Variants in SH2B3 observed in about 807,000 individuals in gnomAD.
SH2B3 encodes the protein SH2B adapter protein 3.
Under a neutral mutation model 51.9 loss-of-function variants are expected in SH2B3, and 43 were observed. The observed-to-expected ratio is 0.83, with a 90% CI of 0.65 to 1.07. SH2B3 has a LOEUF of 1.07. Ranked by LOEUF, SH2B3 falls within the 50% of genes least tolerant of loss-of-function variation. The pLI, the probability that SH2B3 is intolerant of heterozygous loss-of-function variation, is 0.00. For synonymous variants in SH2B3, 396 were observed against 376.0 expected (o/e 1.05, Z -0.62); for missense variants, 952 against 834.3 (o/e 1.14, Z -1.74).
chr12:111,414,129 T>C (rs57018784), intron 1 of SH2B3, among the ~76,000 whole-genome samples: 15,585 of 152,242 alleles, frequency 0.1, 2,665 homozygotes, highest in African/African-American at 0.35. Context: ...CAGGTGCCCT[T>C]ATGCAGGGGT....
Position 111,418,703 on chromosome 12 carries a change from C to A in SH2B3, c.558C>A (p.Ser186Arg). Reference sequence around the variant, plus strand: ...TGGCCAAGAAGTTCCTGCCCTGGAGCCTGGCCCGGGAGCCGCCACCCGAGG... The same window carrying A: ...TGGCCAAGAAGTTCCTGCCCTGGAGACTGGCCCGGGAGCCGCCACCCGAGG... ...PGLAKKFLPW[S>R]LAREPPPEAL... The change falls in exon 2 of 8, where the codon AGC becomes AGA. Residue 186 changes from serine to arginine, a missense_variant. Ser to Arg is a moderately radical substitution (Grantham distance 110, BLOSUM62 -1). Transcript: ENST00000341259. This position sits in a 1 kb window ranked among gnomAD's most constrained non-coding sequence, Gnocchi z 6.7. 6.7e-7 allele frequency: 1 copy of A among 1,486,672 alleles called. No individual in the cohort carries two copies. Among genetic ancestry groups the A allele is most frequent in the Non-Finnish European group, 8.9e-7 (1 of 1,125,992 alleles). 92.1% of individuals were successfully genotyped at this position (1,486,672 alleles called of 1,614,324 possible). A position where few individuals can be genotyped will look rare whatever the true frequency, so the allele number is the denominator to read the frequency against.
At chr12:111,433,169 T>C (rs952867373) in intron 2 of SH2B3, among the ~76,000 whole-genome samples, 2 of 152,184 alleles carry the variant, frequency 1.3e-5, no homozygotes, top group Non-Finnish European at 2.9e-5. Context: ...CTGGCCAACA[T>C]GGTGAAACCC....
intron 2 of SH2B3, among the ~76,000 whole-genome samples, chr12:111,427,388 G>GA (rs557658468): frequency 0.018 from 1,502 of 82,904 alleles, 49 homozygotes; most frequent in African/African-American, 0.037. Flanking sequence ...TCCATCTCAG[G>GA]AAAAAAAAAA....
intron 2 of SH2B3, among the ~76,000 whole-genome samples, chr12:111,422,371 T>C (rs1871626182): frequency 6.6e-6 from 1 of 152,240 alleles, no homozygotes; most frequent in Admixed American, 6.5e-5. Context: ...TGATGACTCA[T>C]GGAGGTTAAG....
intron 2 of SH2B3, among the ~76,000 whole-genome samples, chr12:111,424,498 T>G (rs1871826385): frequency 6.6e-6 from 1 of 152,164 alleles, no homozygotes; most frequent in South Asian, 2.1e-4. Flanking sequence ...CTGGGAGCCC[T>G]GATGGTAGGG....
At position 111,406,853 on chromosome 12, in the gene SH2B3, G is replaced by A. The variant is rs1324218587; in HGVS notation, c.-28+576G>A. 6.6e-6 allele frequency among the ~76,000 whole-genome samples: 1 copy of A among 152,190 alleles called. No homozygotes were observed. The highest frequency in any genetic ancestry group is 1.5e-5 in the Non-Finnish European group (1 of 68,018). On this transcript the variant is annotated intron_variant, in intron 1 of 7. Transcript: ENST00000341259. The surrounding 1 kb of genome is among the most constrained non-coding windows in gnomAD (Gnocchi z 5.7). ...AGGCCCCCGCATGCTGCTGAATTGG[G>A]CGGTTCACCAGGGCTAGGCGTCCCA...
intron 2 of SH2B3, among the ~76,000 whole-genome samples, chr12:111,436,938 G>A (rs527958399): frequency 6.6e-6 from 1 of 151,926 alleles, no homozygotes; most frequent in East Asian, 1.9e-4. Context: ...GGGAAAAGCA[G>A]GCTGGTGTGT....
rs1486152471 is a variant in SH2B3, at chr12:111,418,865, C to G, written c.720C>G (p.Phe240Leu). ...GCCCCGACCGCGTGCTGGAGCTCTTCGACCCACCCAAGGTAAGTAAGCCCT... is the reference window on the plus strand; with the variant it reads ...GCCCCGACCGCGTGCTGGAGCTCTTGGACCCACCCAAGGTAAGTAAGCCCT... ...PDGPDRVLEL[F>L]DPPKSSRPKL... The change falls in exon 2 of 8, where the codon TTC becomes TTG. Residue 240 changes from phenylalanine (F) to leucine (L), a missense_variant. Physicochemically the swap from Phe to Leu is conservative, Grantham distance 22. Transcript: ENST00000341259. This position sits in a 1 kb window ranked among gnomAD's most constrained non-coding sequence, Gnocchi z 6.7. The G allele has an allele frequency of 7.1e-7, 1 of 1,412,486 alleles. No individual in the cohort carries two copies. Among genetic ancestry groups the G allele is most frequent in the Non-Finnish European group, 9.1e-7 (1 of 1,097,090 alleles). 87.5% of individuals were successfully genotyped at this position (1,412,486 alleles called of 1,614,324 possible).
intron 2 of SH2B3, among the ~76,000 whole-genome samples, chr12:111,428,210 G>A (rs1872163849): frequency 6.6e-6 from 1 of 152,260 alleles, no homozygotes; most frequent in African/African-American, 2.4e-5. Context: ...CTGGCACAGA[G>A]GACTCTGCCT....
At position 111,435,053 on chromosome 12, in the gene SH2B3, G is replaced by A; in HGVS notation, c.733-11700G>A. The A allele has an allele frequency of 6.6e-7, 1 of 1,525,952 alleles. No individual in the cohort carries two copies. Among genetic ancestry groups the A allele is most frequent in the Non-Finnish European group, 8.8e-7 (1 of 1,138,612 alleles). The allele number at this position is 1,525,952 out of a possible 1,614,324, so 94.5% of individuals were successfully genotyped here. A position where few individuals can be genotyped will look rare whatever the true frequency, so the allele number is the denominator to read the frequency against. ...GCAGGCAGTAGCTACCGTTGTCTGGGGCTTTGGGGATCTTGGTGGTGATGA... is the reference window on the plus strand; with the variant it reads ...GCAGGCAGTAGCTACCGTTGTCTGGAGCTTTGGGGATCTTGGTGGTGATGA... On this transcript the variant is annotated intron_variant, in intron 2 of 7. Coordinates refer to ENST00000341259, the MANE Select transcript of SH2B3 (RefSeq NM_005475.3). This position sits in a 1 kb window ranked among gnomAD's most constrained non-coding sequence, Gnocchi z 4.8.
In SH2B3 at chr12:111,407,892, C is replaced by A. The variant is rs989145626; in HGVS notation, c.-28+1615C>A. 1.6e-4 allele frequency among the ~76,000 whole-genome samples: 25 copies of A among 152,136 alleles called. No homozygotes were observed. The highest frequency in any genetic ancestry group is 5.8e-4 in the African/African-American group (24 of 41,420). Reference sequence around the variant, plus strand: ...CCTATTGCCTTCGTTCAGCTGAAGGCGTGGGCAAGTGACTCTGCCCTCAGT... The same window carrying A: ...CCTATTGCCTTCGTTCAGCTGAAGGAGTGGGCAAGTGACTCTGCCCTCAGT... On this transcript the variant is annotated intron_variant, in intron 1 of 7. Transcript: ENST00000341259. This position sits in a 1 kb window ranked among gnomAD's most constrained non-coding sequence, Gnocchi z 4.3.
At chr12:111,437,062 A>G (rs1032047250) in intron 2 of SH2B3, among the ~76,000 whole-genome samples, 1 of 152,026 alleles carries the variant, frequency 6.6e-6, no homozygotes, top group Non-Finnish European at 1.5e-5. Flanking sequence ...CACACTCACC[A>G]TGTCTGTCTC....
rs1874586353 is a variant in SH2B3 at position 111,451,486 on chromosome 12, CATT to C, written c.*3187_*3189del. On this transcript the variant is annotated 3_prime_UTR_variant, in exon 8 of 8. Transcript: ENST00000341259. ...AACATAAAGTGGATTCATCTTGTAT[CATT>C]ATAGGCAGAAGGTATTTGGCAAATT... 1 of 152,628 alleles carries C rather than the reference CATT, an allele frequency of 6.6e-6. No homozygotes were observed. Among genetic ancestry groups the C allele is most frequent in the African/African-American group, 2.4e-5 (1 of 41,450 alleles). The allele number at this position is 152,628 out of a possible 1,614,324, so 9.5% of individuals were successfully genotyped here.
chr12:111,420,574 G>T (rs540896699), intron 2 of SH2B3, among the ~76,000 whole-genome samples: 1 of 152,200 alleles, frequency 6.6e-6, no homozygotes, highest in South Asian at 2.1e-4. Context: ...TCTAGAGCAT[G>T]AGCAAAACCG....
intron 2 of SH2B3, among the ~76,000 whole-genome samples, chr12:111,428,939 C>T (rs914152466): frequency 2.0e-5 from 3 of 151,180 alleles, no homozygotes; most frequent in Non-Finnish European, 3.0e-5. Flanking sequence ...CCCATGCCTC[C>T]GGGTGTGGGA....
chr12:111,444,801 T>C, intron 2 of SH2B3: 3 of 985,622 alleles, frequency 3.0e-6, no homozygotes, highest in Non-Finnish European at 3.6e-6. Flanking sequence ...CCTGCGCCCA[T>C]GTGCCCACAC....
chr12:111,445,779 T>TG (rs1400282974), intron 2 of SH2B3, among the ~76,000 whole-genome samples: 1 of 152,236 alleles, frequency 6.6e-6, no homozygotes, highest in Non-Finnish European at 1.5e-5. Flanking sequence ...GCCAGGCCAC[T>TG]GGGTCATGAT....
intron 1 of SH2B3, among the ~76,000 whole-genome samples, chr12:111,417,182 C>G (rs545700736): frequency 6.6e-6 from 1 of 152,326 alleles, no homozygotes; most frequent in African/African-American, 2.4e-5. Flanking sequence ...CAGATTCTTT[C>G]ACTAGTCTCC....
At chr12:111,436,888 T>C (rs1872924313) in intron 2 of SH2B3, among the ~76,000 whole-genome samples, 1 of 152,006 alleles carries the variant, frequency 6.6e-6, no homozygotes, top group Admixed American at 6.5e-5. Flanking sequence ...CATCTCTGGC[T>C]AATCACTTCC....
Sources: allele counts gnomAD v4.1 joint callset (sites outside exome capture counted in the v4.1 genomes callset), GRCh38; gene constraint gnomAD v4.1.1; non-coding constraint Gnocchi (gnomAD v3.1); transcripts MANE v1.5; gene names NCBI Gene and HGNC (gene_info 2026-07-23, HGNC 2026-07-21).